NFIB: variants seen among roughly 807,000 people sequenced by gnomAD.
NFIB encodes nuclear factor I B, also known as nuclear factor 1 B-type.
NFIB carries 11 observed loss-of-function variants against 61.5 expected under a neutral mutation model. The observed-to-expected ratio is 0.18, with a 90% CI of 0.11 to 0.30. The LOEUF (loss-of-function observed/expected upper bound fraction) is 0.30, where lower values mean the gene tolerates loss of function less well. Ranked by LOEUF, NFIB falls within the 10% of genes least tolerant of loss-of-function variation. The probability of loss-of-function intolerance (pLI) is 1.00; values close to 1 mark genes in which losing one functional copy is unlikely to be tolerated. For synonymous variants in NFIB, 260 were observed against 216.5 expected, an observed-to-expected ratio of 1.20 and a Z score of -1.76; for missense variants, 471 against 608.9, an observed-to-expected ratio of 0.77 and a Z score of 2.38.
At chr9:14,524,406 C>A in the NFIB span, among the ~76,000 whole-genome samples, 2 of 152,086 alleles carry the variant, frequency 1.3e-5, no homozygotes, top group African/African-American at 2.4e-5. Flanking sequence ...CCATTTACAA[C>A]ATAATGTACT....
the NFIB span, among the ~76,000 whole-genome samples, chr9:14,459,071 C>A: frequency 6.6e-6 from 1 of 151,972 alleles, no homozygotes; most frequent in Admixed American, 6.6e-5. Flanking sequence ...CAATCCTAAG[C>A]CAAAAGAACA....
the NFIB span, among the ~76,000 whole-genome samples, chr9:14,411,472 A>T: frequency 6.6e-6 from 1 of 152,154 alleles, no homozygotes. Flanking sequence ...GGCTTAGAAA[A>T]TGATAGGTCC....
intron 3 of NFIB, among the ~76,000 whole-genome samples, chr9:14,165,480 GCTCA>G (rs761547618): frequency 2.6e-5 from 4 of 152,182 alleles, no homozygotes; most frequent in Non-Finnish European, 5.9e-5. Flanking sequence ...AATGAGTGCA[GCTCA>G]CTATGAGAAA....
the NFIB span, among the ~76,000 whole-genome samples, chr9:14,426,449 G>A: frequency 6.6e-6 from 1 of 152,130 alleles, no homozygotes; most frequent in African/African-American, 2.4e-5. Context: ...CAAGCTCATT[G>A]AGAACCTTCG....
At chr9:14,475,239 T>C in the NFIB span, among the ~76,000 whole-genome samples, 3 of 152,240 alleles carry the variant, frequency 2.0e-5, no homozygotes, top group African/African-American at 4.8e-5. Context: ...GACTTGCCCA[T>C]GGTCACAGAG....
At chr9:14,243,157 T>C (rs972171705) in intron 2 of NFIB, among the ~76,000 whole-genome samples, 2 of 152,156 alleles carry the variant, frequency 1.3e-5, no homozygotes, top group African/African-American at 4.8e-5. Flanking sequence ...AAAATTTAAA[T>C]GACATTCCTT....
chr9:14,477,659 G>A, the NFIB span, among the ~76,000 whole-genome samples: 1 of 152,094 alleles, frequency 6.6e-6, no homozygotes, highest in African/African-American at 2.4e-5. Context: ...TTTCTATGTT[G>A]TAAAAGCAAT....
At chr9:14,198,221 C>A (rs1374971144) in intron 2 of NFIB, among the ~76,000 whole-genome samples, 1 of 152,168 alleles carries the variant, frequency 6.6e-6, no homozygotes, top group Non-Finnish European at 1.5e-5. Context: ...GCCCATCACA[C>A]TGCACGTCTC....
chr9:14,465,445 C>A, the NFIB span, among the ~76,000 whole-genome samples: 1 of 152,216 alleles, frequency 6.6e-6, no homozygotes, highest in Middle Eastern at 3.4e-3. Flanking sequence ...GAAATCTGCT[C>A]TCTGAATTCA....
At chr9:14,376,560 A>G (rs977046894) in intron 1 of NFIB, among the ~76,000 whole-genome samples, 7 of 147,962 alleles carry the variant, frequency 4.7e-5, no homozygotes, top group African/African-American at 1.8e-4. Context: ...TCTGTCGTTC[A>G]GGGTGGAGTG....
the NFIB span, among the ~76,000 whole-genome samples, chr9:14,493,726 T>G: frequency 6.6e-6 from 1 of 152,228 alleles, no homozygotes; most frequent in South Asian, 2.1e-4. Flanking sequence ...CAGAATGTAC[T>G]TTAGTGTGTC....
At chr9:14,202,153 C>CAT (rs2049110667) in intron 2 of NFIB, among the ~76,000 whole-genome samples, 1 of 151,802 alleles carries the variant, frequency 6.6e-6, no homozygotes, top group East Asian at 1.9e-4. Flanking sequence ...CACACACACA[C>CAT]ACACACACAC....
chr9:14,442,450 G>C, the NFIB span, among the ~76,000 whole-genome samples: 17 of 152,300 alleles, frequency 1.1e-4, 1 homozygote, highest in South Asian at 1.2e-3. Context: ...TAGTCCGCTA[G>C]GGCCGCCATA....
At position 14,237,762 on chromosome 9, in the gene NFIB, C is replaced by CTGTGTGTG. The variant is rs1563932366; in HGVS notation, c.563-57983_563-57982insCACACACA. Among the ~76,000 whole-genome samples, 130 of 105,884 alleles carry CTGTGTGTG rather than the reference C, an allele frequency of 1.2e-3. 2 individuals are homozygous for CTGTGTGTG. Among genetic ancestry groups the CTGTGTGTG allele is most frequent in the African/African-American group, 5.0e-3 (121 of 24,380 alleles). 69.5% of individuals were successfully genotyped at this position (105,884 alleles called of 152,430 possible). On this transcript the variant is annotated intron_variant, in intron 2 of 10. Coordinates refer to ENST00000380953, the MANE Select transcript of NFIB (RefSeq NM_001190737.2). ...AAGCTCCTCACCCTGCTAGGTATAACAGTGTGTGTGTGTGTGTGTGTGTGT... is the reference window on the plus strand; with the variant it reads ...AAGCTCCTCACCCTGCTAGGTATAACTGTGTGTGAGTGTGTGTGTGTGTGTGTGTGTGT...
the NFIB span, among the ~76,000 whole-genome samples, chr9:14,496,229 C>G: frequency 3.9e-5 from 6 of 152,294 alleles, no homozygotes; most frequent in African/African-American, 1.4e-4. Flanking sequence ...AGTGAGACAT[C>G]TTGGGGATGG....
the NFIB span, among the ~76,000 whole-genome samples, chr9:14,529,441 A>T: frequency 2.0e-5 from 3 of 152,320 alleles, no homozygotes; most frequent in Admixed American, 6.5e-5. Context: ...AAAATAAAAG[A>T]ATCAGTGTCA....
chr9:14,525,975 T>G, the NFIB span, among the ~76,000 whole-genome samples: 4 of 152,096 alleles, frequency 2.6e-5, no homozygotes, highest in Non-Finnish European at 4.4e-5. Flanking sequence ...ATTCACCAGG[T>G]GCCTCGCCGA....
chr9:14,230,597 T>C (rs72698780), intron 2 of NFIB, among the ~76,000 whole-genome samples: 10,181 of 151,842 alleles, frequency 0.067, 525 homozygotes, highest in Non-Finnish European at 0.099. Context: ...TAAAAATACA[T>C]GAAAGAGAAA....
the NFIB span, among the ~76,000 whole-genome samples, chr9:14,418,012 C>A: frequency 6.6e-6 from 1 of 152,054 alleles, no homozygotes; most frequent in Non-Finnish European, 1.5e-5. Context: ...CTCCTGACCT[C>A]AGGTGATCCA....
Sources: allele counts gnomAD v4.1 joint callset (sites outside exome capture counted in the v4.1 genomes callset), GRCh38; gene constraint gnomAD v4.1.1; transcripts MANE v1.5; gene names NCBI Gene and HGNC (gene_info 2026-07-23, HGNC 2026-07-21).